Variants in ABLIM1 observed in about 807,000 individuals in gnomAD.
ABLIM1 encodes the protein actin binding LIM protein 1.
In ABLIM1, 40 loss-of-function variants were observed where a neutral mutation model predicts 107.0. The observed-to-expected ratio is 0.37, with a 90% confidence interval of 0.29 to 0.49. The LOEUF (loss-of-function observed/expected upper bound fraction) is 0.49. Ranked by LOEUF, ABLIM1 falls within the 20% of genes least tolerant of loss-of-function variation. The pLI is 0.97. For synonymous variants in ABLIM1, 357 were observed against 357.3 expected (o/e 1.00, Z 0.01); for missense variants, 857 against 1,008.5 (o/e 0.85, Z 2.04).
intron 1 of ABLIM1, among the ~76,000 whole-genome samples, chr10:114,730,651 C>T (rs553426642): frequency 1.3e-5 from 2 of 152,172 alleles, no homozygotes; most frequent in African/African-American, 4.8e-5. Flanking sequence ...ACTTTCTCAT[C>T]GACTTTGTTT....
At chr10:114,644,719 C>T (rs2078937976) in intron 1 of ABLIM1, among the ~76,000 whole-genome samples, 1 of 152,102 alleles carries the variant, frequency 6.6e-6, no homozygotes, top group Non-Finnish European at 1.5e-5. Flanking sequence ...ATTTTTACTC[C>T]TAAGAATCTG....
intron 1 of ABLIM1, among the ~76,000 whole-genome samples, chr10:114,731,484 T>G (rs764240288): frequency 6.6e-6 from 1 of 151,302 alleles, no homozygotes; most frequent in South Asian, 2.1e-4. Flanking sequence ...TTTTTGGAGA[T>G]GGAGTCTCAC....
chr10:114,536,141 CTG>C (rs1565862901), intron 6 of ABLIM1, among the ~76,000 whole-genome samples: 1 of 150,898 alleles, frequency 6.6e-6, no homozygotes, highest in Non-Finnish European at 1.5e-5. Context: ...CTGCCTGTCT[CTG>C]TGGATTTGCC....
chr10:114,481,308 G>T lies in ABLIM1; in HGVS notation c.1041+6650C>A, dbSNP rs367968603. On this transcript the variant is annotated intron_variant, in intron 8 of 22. Transcript: ENST00000533213. ...CCTCCCCCCATTCAGCAGGAGCAGG[G>T]ATGCAACAACTATATTCATCTAATT... Among the ~76,000 whole-genome samples the T allele has an allele frequency of 2.6e-5, 4 of 151,742 alleles. No individual in the cohort carries two copies. The East Asian group carries it at 7.7e-4, about 29-fold the overall frequency.
At chr10:114,716,011 G>A (rs1236878240) in intron 1 of ABLIM1, among the ~76,000 whole-genome samples, 1 of 152,144 alleles carries the variant, frequency 6.6e-6, no homozygotes, top group Non-Finnish European at 1.5e-5. Flanking sequence ...GATCCAGGTC[G>A]CAGAAATTCT....
At position 114,644,306 on chromosome 10, in the gene ABLIM1, A is replaced by AAAAATAT. The variant is rs1408072252; in HGVS notation, c.244+13650_244+13651insATATTTT. On this transcript the variant is annotated intron_variant, in intron 1 of 22. Transcript: ENST00000533213. ...AAAAAAAAAAAAAAAAAAAAAAAAA[A>AAAAATAT]ATATATATATATATATATATATATG... Among the ~76,000 whole-genome samples, 414 of 52,140 alleles carry AAAAATAT rather than the reference A, an allele frequency of 7.9e-3. 18 individuals are homozygous for AAAAATAT. Among genetic ancestry groups the AAAAATAT allele is most frequent in the Admixed American group, 0.012 (37 of 3,176 alleles). 34.2% of individuals were successfully genotyped at this position (52,140 alleles called of 152,430 possible).
chr10:114,621,077 T>A (rs1022644113), intron 1 of ABLIM1, among the ~76,000 whole-genome samples: 1 of 152,330 alleles, frequency 6.6e-6, no homozygotes, highest in Middle Eastern at 3.4e-3. Flanking sequence ...TGCTTGCATC[T>A]CCTCAGACAG....
intron 6 of ABLIM1, among the ~76,000 whole-genome samples, chr10:114,492,968 T>C (rs1388525738): frequency 6.6e-6 from 1 of 152,202 alleles, no homozygotes; most frequent in Non-Finnish European, 1.5e-5. Flanking sequence ...TTATTTAAAT[T>C]AGAAGTTAGG....
At chr10:114,701,285 G>A (rs1283256475) in intron 1 of ABLIM1, among the ~76,000 whole-genome samples, 1 of 152,124 alleles carries the variant, frequency 6.6e-6, no homozygotes, top group African/African-American at 2.4e-5. Flanking sequence ...GAGGATGTGA[G>A]ACAATTGTAA....
At chr10:114,452,977 C>T (rs919377649) in intron 13 of ABLIM1, among the ~76,000 whole-genome samples, 2 of 152,178 alleles carry the variant, frequency 1.3e-5, no homozygotes, top group African/African-American at 4.8e-5. Flanking sequence ...TAAAAGTATT[C>T]TCTCAGGTGA....
chr10:114,455,364 T>C (rs1284953392), intron 12 of ABLIM1, among the ~76,000 whole-genome samples: 1 of 152,212 alleles, frequency 6.6e-6, no homozygotes, highest in Non-Finnish European at 1.5e-5. Flanking sequence ...TATTAGTTCC[T>C]AAAAATTATG....
At chr10:114,639,457 C>T (rs771487116) in intron 1 of ABLIM1, among the ~76,000 whole-genome samples, 1 of 152,230 alleles carries the variant, frequency 6.6e-6, no homozygotes, top group Non-Finnish European at 1.5e-5. Context: ...TATCATGCCA[C>T]ACCGGCCACA....
chr10:114,642,279 AAGGAG>A (rs1163136069), intron 1 of ABLIM1, among the ~76,000 whole-genome samples: 5 of 152,176 alleles, frequency 3.3e-5, no homozygotes, highest in Non-Finnish European at 7.3e-5. Flanking sequence ...AACTAGAGTT[AAGGAG>A]AGTGAGCACA....
At chr10:114,496,022 G>A (rs1211794173) in intron 6 of ABLIM1, among the ~76,000 whole-genome samples, 6 of 152,116 alleles carry the variant, frequency 3.9e-5, no homozygotes, top group Non-Finnish European at 5.9e-5. Flanking sequence ...ATAATGATAC[G>A]AATAACAATG....
At chr10:114,621,570 C>T (rs1164074080) in intron 1 of ABLIM1, among the ~76,000 whole-genome samples, 1 of 152,166 alleles carries the variant, frequency 6.6e-6, no homozygotes, top group Non-Finnish European at 1.5e-5. Flanking sequence ...TCCTCAAATA[C>T]CAATCTTAAA....
At chr10:114,449,391 T>C in intron 14 of ABLIM1, among the ~76,000 whole-genome samples, 1 of 152,212 alleles carries the variant, frequency 6.6e-6, no homozygotes, top group African/African-American at 2.4e-5. Flanking sequence ...TCGGGTAACC[T>C]TCTGGGTCTC....
upstream of ABLIM1, among the ~76,000 whole-genome samples, chr10:114,772,497 T>C (rs1244847293): frequency 6.6e-6 from 1 of 151,922 alleles, no homozygotes; most frequent in Non-Finnish European, 1.5e-5. Flanking sequence ...GTCCCAGCTA[T>C]TTGGGAGTCT....
At chr10:114,688,563 T>C (rs754721965), upstream of ABLIM1, among the ~76,000 whole-genome samples, 1 of 152,186 alleles carries the variant, frequency 6.6e-6, no homozygotes, top group South Asian at 2.1e-4. Flanking sequence ...TCTGTAGGCA[T>C]TGAACAAAGA....
intron 2 of ABLIM1, 28 bp downstream of exon 2, chr10:114,601,799 C>T: frequency 6.2e-7 from 1 of 1,614,164 alleles, no homozygotes; most frequent in Non-Finnish European, 8.5e-7. Flanking sequence ...TGGCATGCCA[C>T]TGAGCCACGA....
Sources: gnomAD v4.1 joint callset for allele counts (sites outside exome capture counted in the v4.1 genomes callset) on GRCh38, gnomAD v4.1.1 for gene constraint, MANE v1.5 for transcripts, NCBI Gene and HGNC (gene_info 2026-07-23, HGNC 2026-07-21) for gene names.